Variants in THSD4 observed in about 807,000 individuals in gnomAD.
The protein encoded by THSD4 is thrombospondin type 1 domain containing 4, also known as thrombospondin type-1 domain-containing protein 4.
THSD4 carries 69 observed loss-of-function variants against 119.0 expected under a neutral mutation model. The observed-to-expected ratio is 0.58, with a 90% CI of 0.48 to 0.71. The LOEUF is 0.71. Among genes scored for constraint, THSD4 ranks in the 30% least tolerant of loss-of-function variants. The pLI is 0.00. For missense variants in THSD4, 1,393 were observed against 1,391.1 expected (o/e 1.00, Z -0.02); for synonymous variants, 524 against 540.4 (o/e 0.97, Z 0.42).
chr15:71,446,537 A>G (rs2047183336), intron 7 of THSD4, among the ~76,000 whole-genome samples: 3 of 152,162 alleles, frequency 2.0e-5, no homozygotes, highest in South Asian at 4.1e-4. Context: ...GTGCTTTAGT[A>G]TATTCTGCTG....
intron 5 of THSD4, among the ~76,000 whole-genome samples, chr15:71,244,069 G>A (rs567182847): frequency 4.0e-5 from 6 of 148,992 alleles, no homozygotes; most frequent in Non-Finnish European, 8.9e-5. Flanking sequence ...ACAAGTGTGA[G>A]CCACCGCACC....
At chr15:71,306,347 T>A (rs10851837) in intron 6 of THSD4, among the ~76,000 whole-genome samples, 106,565 of 139,102 alleles carry the variant, frequency 0.77, 41,012 homozygotes, top group East Asian at 0.86. Flanking sequence ...AAGGGAATGG[T>A]ATTATATATT....
chr15:71,755,663 G>A (rs566307597), intron 14 of THSD4, among the ~76,000 whole-genome samples: 79 of 118,318 alleles, frequency 6.7e-4, no homozygotes, highest in Non-Finnish European at 8.6e-4. Flanking sequence ...AATTAGAGAT[G>A]ATTCGTTAGT....
intron 3 of THSD4, among the ~76,000 whole-genome samples, chr15:71,161,559 C>T (rs1004563185): frequency 2.0e-5 from 3 of 151,908 alleles, no homozygotes; most frequent in African/African-American, 7.3e-5. Context: ...AGAATGGCTG[C>T]TCCTGCTTGC....
chr15:71,332,892 A>ATGTTTTTTTTTTTTTTTTTTTTT (rs2045441892), intron 6 of THSD4, among the ~76,000 whole-genome samples: 1 of 76,940 alleles, frequency 1.3e-5, no homozygotes, highest in Non-Finnish European at 2.6e-5. Flanking sequence ...ATTTTTTTAC[A>ATGTTTTTTTTTTTTTTTTTTTTT]TTTTTTTTTT....
chr15:71,163,037 T>G (rs1424269709), intron 3 of THSD4, among the ~76,000 whole-genome samples: 1 of 152,024 alleles, frequency 6.6e-6, no homozygotes, highest in African/African-American at 2.4e-5. Flanking sequence ...ATTGTTTTCC[T>G]GATTTCATTG....
At position 71,543,423 on chromosome 15, in the gene THSD4, G is replaced by A. The variant is rs574521578; in HGVS notation, c.1153-117107G>A. Among the ~76,000 whole-genome samples, 39 of 152,278 alleles carry A rather than the reference G, an allele frequency of 2.6e-4. 1 individual carries two copies. The South Asian group carries it at 7.9e-3, about 31-fold the overall frequency. On this transcript the variant is annotated intron_variant, in intron 7 of 17. Transcript: ENST00000261862. ...TGGAGGGCTGGATGGGAGCAGGGCA[G>A]CAGGAATGTGGGGCCATAGACCTGT...
intron 6 of THSD4, among the ~76,000 whole-genome samples, chr15:71,307,916 A>G (rs1391906045): frequency 6.6e-6 from 1 of 152,204 alleles, no homozygotes; most frequent in Non-Finnish European, 1.5e-5. Flanking sequence ...CTCCCAGTGG[A>G]GTTGCACAGG....
Position 71,589,545 on chromosome 15 carries a change from G to A in THSD4, c.1153-70985G>A, listed in dbSNP as rs951935356. 1.5e-4 allele frequency among the ~76,000 whole-genome samples: 21 copies of A among 137,932 alleles called. 3 individuals are homozygous for A. Among genetic ancestry groups the A allele is most frequent in the African/African-American group, 5.1e-4 (20 of 39,578 alleles). 90.5% of individuals were successfully genotyped at this position (137,932 alleles called of 152,430 possible). On this transcript the variant is annotated intron_variant, in intron 7 of 17. Transcript: ENST00000261862. ...TAACTTTTTAACTTTTTTTGGTAGA[G>A]ATGGGGCCCCATGTGTCACCCTGTT...
At chr15:71,388,688 G>GTGTGTT (rs755711869) in intron 6 of THSD4, among the ~76,000 whole-genome samples, 15,259 of 151,636 alleles carry the variant, frequency 0.1, 1,046 homozygotes, top group Middle Eastern at 0.22. Context: ...GTGTGTGTGT[G>GTGTGTT]TGTGTAGGGA....
At chr15:71,627,902 A>G (rs899544719) in intron 7 of THSD4, among the ~76,000 whole-genome samples, 2 of 152,220 alleles carry the variant, frequency 1.3e-5, no homozygotes, top group African/African-American at 4.8e-5. Flanking sequence ...CCAGCAGACT[A>G]TGTTTTCAGG....
intron 17 of THSD4, among the ~76,000 whole-genome samples, chr15:71,775,880 C>G (rs1258819304): frequency 6.6e-6 from 1 of 151,932 alleles, no homozygotes; most frequent in East Asian, 1.9e-4. Context: ...GCAAGGAGAG[C>G]AGAATAGGCC....
chr15:71,534,293 C>T (rs1567024715), intron 7 of THSD4, among the ~76,000 whole-genome samples: 1 of 152,220 alleles, frequency 6.6e-6, no homozygotes, highest in Admixed American at 6.5e-5. Context: ...GCAGTCTCAA[C>T]CCTGTGTCAG....
intron 6 of THSD4, among the ~76,000 whole-genome samples, chr15:71,384,151 G>A (rs2046264417): frequency 6.6e-6 from 1 of 152,164 alleles, no homozygotes; most frequent in African/African-American, 2.4e-5. Flanking sequence ...AGGCCGAGGC[G>A]GGCGGATCAC....
intron 7 of THSD4, among the ~76,000 whole-genome samples, chr15:71,602,548 T>C: frequency 1.2e-5 from 1 of 81,658 alleles, no homozygotes; most frequent in Non-Finnish European, 2.4e-5. Flanking sequence ...AGTGAAACTC[T>C]GTCTCAAAAA....
At chr15:71,489,114 C>T (rs2047871036) in intron 7 of THSD4, among the ~76,000 whole-genome samples, 1 of 152,178 alleles carries the variant, frequency 6.6e-6, no homozygotes, top group Admixed American at 6.5e-5. Flanking sequence ...GAACAATATT[C>T]TCAGAGTTCC....
chr15:71,666,820 T>G (rs2051426473), intron 8 of THSD4, among the ~76,000 whole-genome samples: 1 of 152,250 alleles, frequency 6.6e-6, no homozygotes, highest in East Asian at 1.9e-4. Context: ...TCTGAGTTTC[T>G]GGCTTAATTT....
intron 7 of THSD4, among the ~76,000 whole-genome samples, chr15:71,587,405 A>C (rs1186398092): frequency 1.7e-5 from 2 of 117,798 alleles, no homozygotes; most frequent in Non-Finnish European, 3.8e-5. Flanking sequence ...TGGATTAAGA[A>C]AATGTGGCAC....
chr15:71,711,978 T>G (rs1488033447), intron 8 of THSD4, among the ~76,000 whole-genome samples: 2 of 152,148 alleles, frequency 1.3e-5, no homozygotes, highest in African/African-American at 4.8e-5. Context: ...GTCTTCTTCT[T>G]AAAATAATTG....
Sources: allele counts gnomAD v4.1 joint callset (sites outside exome capture counted in the v4.1 genomes callset), GRCh38; gene constraint gnomAD v4.1.1; transcripts MANE v1.5; gene names NCBI Gene and HGNC (gene_info 2026-07-23, HGNC 2026-07-21).